Variants in DNAJC15 observed in about 807,000 individuals in gnomAD.
DNAJC15 encodes the protein DnaJ heat shock protein family (Hsp40) member C15, also known as dnaJ homolog subfamily C member 15.
Under a neutral mutation model 22.4 loss-of-function variants are expected in DNAJC15, and 27 were observed. The observed-to-expected ratio is 1.20, with a 90% CI of 0.89 to 1.66. DNAJC15 has a LOEUF of 1.66. Ranked by LOEUF, DNAJC15 falls within the 40% of genes most tolerant of loss-of-function variation. The probability of loss-of-function intolerance (pLI) is 0.00; values close to 1 mark genes in which losing one functional copy is unlikely to be tolerated. For synonymous variants in DNAJC15, 79 were observed against 63.2 expected (o/e 1.25, Z -1.19); for missense variants, 208 against 187.1 (o/e 1.11, Z -0.65).
intron 2 of DNAJC15, among the ~76,000 whole-genome samples, chr13:43,067,039 T>C (rs1476245966): frequency 1.3e-5 from 2 of 152,234 alleles, no homozygotes; most frequent in South Asian, 2.1e-4. Context: ...TATGTCCTTA[T>C]TGATAAAGAT....
In DNAJC15 at chr13:43,034,151, T is replaced by C. The variant is rs2040416701; in HGVS notation, c.108+10417T>C. ...CTGATGCGGCAGTATTTGTGAGTTT[T>C]CTTAACTGTAAACTTTATTTGCATA... On this transcript the variant is annotated intron_variant, in intron 1 of 5. Transcript: ENST00000379221. Among the ~76,000 whole-genome samples, 3 of 152,010 alleles carry C rather than the reference T, an allele frequency of 2.0e-5. No homozygotes were observed. In the South Asian group the frequency reaches 6.2e-4, roughly 32 times the overall value.
At chr13:43,102,559 A>C (rs540789038) in intron 5 of DNAJC15, among the ~76,000 whole-genome samples, 1 of 152,186 alleles carries the variant, frequency 6.6e-6, no homozygotes. Context: ...CAGTGAGCCA[A>C]GATCTAGCCA....
chr13:43,044,832 A>G (rs1254828073), intron 1 of DNAJC15, among the ~76,000 whole-genome samples: 3 of 151,894 alleles, frequency 2.0e-5, no homozygotes, highest in Non-Finnish European at 2.9e-5. Context: ...CATTTCCATC[A>G]TTAATCGCTG....
chr13:43,056,686 G>C (rs1452692314), intron 1 of DNAJC15, among the ~76,000 whole-genome samples: 1 of 152,058 alleles, frequency 6.6e-6, no homozygotes, highest in Non-Finnish European at 1.5e-5. Context: ...TAGTAAATTT[G>C]GGAGCTCCAG....
At chr13:43,089,173 T>A (rs560801161) in intron 5 of DNAJC15, among the ~76,000 whole-genome samples, 7 of 152,332 alleles carry the variant, frequency 4.6e-5, no homozygotes, top group African/African-American at 1.7e-4. Context: ...AACTAATACA[T>A]TAAATAATTT....
In DNAJC15 at chr13:43,065,756, A is replaced by G. The variant is rs12865717; in HGVS notation, c.160+19A>G. On this transcript the variant is annotated intron_variant, in intron 2 of 5. Coordinates refer to ENST00000379221, the MANE Select transcript of DNAJC15 (RefSeq NM_013238.3). The stretch of plus-strand genomic sequence containing the variant: ...TTTGCAGGTAAGATAAAGAATACAT[A>G]CCAATAAATTGCAGGAGAAATCTTT... 1 of 1,610,552 alleles carries G rather than the reference A, an allele frequency of 6.2e-7. No individual in the cohort carries two copies. The highest frequency in any genetic ancestry group is 8.5e-7 in the Non-Finnish European group (1 of 1,177,526).
chr13:43,088,456 TG>T (rs2040699341), intron 5 of DNAJC15, among the ~76,000 whole-genome samples: 1 of 152,212 alleles, frequency 6.6e-6, no homozygotes, highest in Non-Finnish European at 1.5e-5. Context: ...CTTGCTTTAC[TG>T]GTGGACAGCT....
chr13:43,073,626 G>T (rs990201803), intron 3 of DNAJC15, among the ~76,000 whole-genome samples: 1 of 152,028 alleles, frequency 6.6e-6, no homozygotes, highest in Admixed American at 6.6e-5. Context: ...CCTGAAAAGG[G>T]TTTCTTTTTT....
At chr13:43,064,968 T>C (rs897450487) in intron 1 of DNAJC15, among the ~76,000 whole-genome samples, 1 of 95,564 alleles carries the variant, frequency 1.0e-5, no homozygotes, top group African/African-American at 4.7e-5. Flanking sequence ...CCTGATCATA[T>C]TGAAAAAAAA....
chr13:43,091,627 TATAAA>T lies in DNAJC15; in HGVS notation c.382+5794_382+5798del, dbSNP rs1167789609. 2.6e-5 allele frequency among the ~76,000 whole-genome samples: 4 copies of T among 152,360 alleles called. No individual in the cohort carries two copies. In the East Asian group the frequency reaches 7.7e-4, roughly 29 times the overall value. On this transcript the variant is annotated intron_variant, in intron 5 of 5. Transcript: ENST00000379221. ...TTGTATCATCTCTTATTAATCTGTT[TATAAA>T]ATAATTTTTTGCATCATTGTTATTT...
chr13:43,038,834 G>T lies in DNAJC15; in HGVS notation c.108+15100G>T, dbSNP rs544446300. Among the ~76,000 whole-genome samples, 260 of 151,544 alleles carry T rather than the reference G, an allele frequency of 1.7e-3. 1 individual carries two copies. Among genetic ancestry groups the T allele is most frequent in the Admixed American group, 3.0e-3 (45 of 15,240 alleles). Reference sequence around the variant, plus strand: ...AAAAAAAAAAAGGAAAATACCACTGGGGGAAGGGAGACCAAAGAAAATTTC... The same window carrying T: ...AAAAAAAAAAAGGAAAATACCACTGTGGGAAGGGAGACCAAAGAAAATTTC... On this transcript the variant is annotated intron_variant, in intron 1 of 5. Coordinates refer to ENST00000379221, the MANE Select transcript of DNAJC15 (RefSeq NM_013238.3).
intron 4 of DNAJC15, among the ~76,000 whole-genome samples, chr13:43,080,393 T>C (rs940508186): frequency 3.9e-5 from 6 of 152,242 alleles, no homozygotes; most frequent in Admixed American, 1.3e-4. Context: ...ACGATCTCAT[T>C]ACTTTTTGTG....
At chr13:43,024,738 A>C (rs904349954) in intron 1 of DNAJC15, among the ~76,000 whole-genome samples, 2 of 151,846 alleles carry the variant, frequency 1.3e-5, no homozygotes, top group African/African-American at 4.8e-5. Flanking sequence ...ATATATGCAC[A>C]GTTGCATGGT....
At chr13:43,074,895 A>G (rs996510918) in intron 3 of DNAJC15, among the ~76,000 whole-genome samples, 4 of 152,196 alleles carry the variant, frequency 2.6e-5, no homozygotes, top group Non-Finnish European at 4.4e-5. Flanking sequence ...CCATGTCTGC[A>G]ATGAAATGTA....
At chr13:43,089,526 A>C (rs1170971077) in intron 5 of DNAJC15, among the ~76,000 whole-genome samples, 1 of 152,206 alleles carries the variant, frequency 6.6e-6, no homozygotes, top group Non-Finnish European at 1.5e-5. Flanking sequence ...AACAAAGTAA[A>C]GGGGCTAATG....
At chr13:43,066,851 C>T (rs2040586547) in intron 2 of DNAJC15, among the ~76,000 whole-genome samples, 1 of 152,112 alleles carries the variant, frequency 6.6e-6, no homozygotes, top group Admixed American at 6.5e-5. Context: ...GATCGCCTGA[C>T]CTCGTGATCC....
At chr13:43,049,889 G>C (rs2040494966) in intron 1 of DNAJC15, among the ~76,000 whole-genome samples, 1 of 152,092 alleles carries the variant, frequency 6.6e-6, no homozygotes, top group Non-Finnish European at 1.5e-5. Context: ...ATATTATTCT[G>C]GGCCAGTTAA....
intron 1 of DNAJC15, among the ~76,000 whole-genome samples, chr13:43,056,435 C>T (rs2040531891): frequency 6.6e-6 from 1 of 152,168 alleles, no homozygotes; most frequent in Non-Finnish European, 1.5e-5. Flanking sequence ...CTGTGCCCAG[C>T]TGAGACTCAT....
At chr13:43,024,555 A>G (rs928199467) in intron 1 of DNAJC15, among the ~76,000 whole-genome samples, 3 of 151,746 alleles carry the variant, frequency 2.0e-5, no homozygotes, top group Non-Finnish European at 4.4e-5. Context: ...CGTGTTAGCC[A>G]GGATGGTCTC....
Sources: allele counts gnomAD v4.1 joint callset (sites outside exome capture counted in the v4.1 genomes callset), GRCh38; gene constraint gnomAD v4.1.1; transcripts MANE v1.5; gene names NCBI Gene and HGNC (gene_info 2026-07-23, HGNC 2026-07-21).